ASIC2: variants seen among roughly 807,000 people sequenced by gnomAD.
ASIC2 encodes the protein acid sensing ion channel subunit 2.
A neutral mutation model predicts 57.3 loss-of-function variants in ASIC2; 25 were observed. That is an observed-to-expected ratio of 0.44 (90% confidence interval 0.32 to 0.61). The LOEUF is 0.61. ASIC2 is among the 20% of genes least tolerant of loss of function. The probability of loss-of-function intolerance (pLI) is 0.06; values close to 1 mark genes in which losing one functional copy is unlikely to be tolerated. For synonymous variants in ASIC2, 319 were observed against 307.5 expected (o/e 1.04, Z -0.39); for missense variants, 641 against 738.1 (o/e 0.87, Z 1.52).
In ASIC2 at chr17:34,095,841, G is replaced by C. The variant is rs544468051; in HGVS notation, c.555+60137C>G. 1.4e-4 allele frequency among the ~76,000 whole-genome samples: 21 copies of C among 150,810 alleles called. No homozygotes were observed. The East Asian group carries it at 4.1e-3, about 29-fold the overall frequency. On this transcript the variant is annotated intron_variant, in intron 1 of 9. Transcript: ENST00000359872. The stretch of plus-strand genomic sequence containing the variant: ...AGACAGAAAGTGAAGGGTTGGAGGA[G>C]AGAAAGGAAACTGATATTTTATAAA...
At chr17:34,027,839 C>G (rs1441749894) in intron 1 of ASIC2, among the ~76,000 whole-genome samples, 1 of 152,180 alleles carries the variant, frequency 6.6e-6, no homozygotes, top group Non-Finnish European at 1.5e-5. Context: ...GTGCTTTATT[C>G]CTAGCAGGCT....
Position 34,156,599 on chromosome 17 carries a change from T to G in ASIC2, c.-67A>C. On this transcript the variant is annotated 5_prime_UTR_variant, in exon 1 of 10. Coordinates refer to the ASIC2 transcript ENST00000359872. The surrounding 1 kb of genome is among the most constrained non-coding windows in gnomAD (Gnocchi z 4.4). ...AATTTCAGAGAAGAGCTCCCAGTCC[T>G]CGGGCTCTGCTTAAACCTTGACGTT... The G allele has an allele frequency of 6.7e-7, 1 of 1,481,518 alleles. No homozygotes were observed. Among genetic ancestry groups the G allele is most frequent in the Non-Finnish European group, 9.1e-7 (1 of 1,103,752 alleles). 91.8% of individuals were successfully genotyped at this position (1,481,518 alleles called of 1,614,324 possible).
At chr17:33,713,085 A>G (rs993038948) in intron 1 of ASIC2, among the ~76,000 whole-genome samples, 4 of 152,066 alleles carry the variant, frequency 2.6e-5, no homozygotes, top group Non-Finnish European at 5.9e-5. Context: ...GGTTTTTATG[A>G]CCTGATCTTG....
At chr17:33,439,870 C>G (rs1911764277) in intron 1 of ASIC2, among the ~76,000 whole-genome samples, 1 of 152,158 alleles carries the variant, frequency 6.6e-6, no homozygotes, top group African/African-American at 2.4e-5. Context: ...CAGGCAAGGA[C>G]AAGGCAGAGG....
chr17:34,090,554 G>C (rs1444393892), intron 1 of ASIC2, among the ~76,000 whole-genome samples: 1 of 152,172 alleles, frequency 6.6e-6, no homozygotes, highest in Admixed American at 6.5e-5. Flanking sequence ...CCTCCATCTG[G>C]AAAAGCTACC....
chr17:33,636,401 C>T (rs2142030655), intron 1 of ASIC2, among the ~76,000 whole-genome samples: 1 of 152,316 alleles, frequency 6.6e-6, no homozygotes, highest in African/African-American at 2.4e-5. Flanking sequence ...TTCAGTCCCT[C>T]TCATTATCCT....
chr17:33,641,675 A>C (rs555661244), intron 1 of ASIC2, among the ~76,000 whole-genome samples: 2 of 152,220 alleles, frequency 1.3e-5, no homozygotes, highest in Non-Finnish European at 2.9e-5. Context: ...ACTCCAAAAC[A>C]TAGGAAGACC....
chr17:33,602,339 A>G (rs1284276519), intron 1 of ASIC2, among the ~76,000 whole-genome samples: 2 of 152,214 alleles, frequency 1.3e-5, no homozygotes, highest in Admixed American at 6.5e-5. Context: ...TGCTTAGTTC[A>G]TGATGGCTCT....
In ASIC2 at chr17:33,235,848, T is replaced by A. The variant is rs539856413; in HGVS notation, c.708+55560A>T. ...ATGATATATCATTATTATTATTATT[T>A]TTTTTGAGACAGAGTTTCACTCTTG... On this transcript the variant is annotated intron_variant, in intron 1 of 9. Transcript: ENST00000225823. 1.8e-3 allele frequency among the ~76,000 whole-genome samples: 267 copies of A among 152,270 alleles called. 2 individuals are homozygous for A. Among genetic ancestry groups the A allele is most frequent in the Middle Eastern group, 6.8e-3 (2 of 294 alleles).
intron 1 of ASIC2, among the ~76,000 whole-genome samples, chr17:33,430,855 C>G (rs923567649): frequency 6.6e-6 from 1 of 152,034 alleles, no homozygotes; most frequent in East Asian, 1.9e-4. Flanking sequence ...AACTAGAGAC[C>G]AAAGCTCCTA....
intron 1 of ASIC2, among the ~76,000 whole-genome samples, chr17:33,887,380 C>T (rs1170313212): frequency 2.0e-5 from 3 of 152,114 alleles, no homozygotes; most frequent in Non-Finnish European, 4.4e-5. Flanking sequence ...CAACAATGCT[C>T]TTTGGGGTCC....
chr17:34,002,091 C>T (rs1050726632), intron 1 of ASIC2: 1 of 152,272 alleles, frequency 6.6e-6, no homozygotes, highest in African/African-American at 2.4e-5. Flanking sequence ...GCAGCCTTCT[C>T]TAACTCAATC....
At chr17:33,496,374 C>T (rs541219890) in intron 1 of ASIC2, among the ~76,000 whole-genome samples, 61 of 152,220 alleles carry the variant, frequency 4.0e-4, no homozygotes, top group Non-Finnish European at 5.1e-4. Context: ...TCTCCCACTG[C>T]GGTTGTCTTC....
intron 1 of ASIC2, among the ~76,000 whole-genome samples, chr17:34,049,649 C>G (rs945487501): frequency 2.6e-5 from 4 of 152,202 alleles, no homozygotes; most frequent in African/African-American, 9.6e-5. Context: ...CATCCTTTAT[C>G]AAAACCCACT....
intron 2 of ASIC2, among the ~76,000 whole-genome samples, chr17:33,091,432 T>C (rs1232744109): frequency 6.6e-6 from 1 of 152,152 alleles, no homozygotes; most frequent in Non-Finnish European, 1.5e-5. Flanking sequence ...GAACTTGTTT[T>C]CGAGAGCTAG....
chr17:34,116,315 C>T (rs1019683993), intron 1 of ASIC2, among the ~76,000 whole-genome samples: 2 of 152,128 alleles, frequency 1.3e-5, no homozygotes, highest in Non-Finnish European at 2.9e-5. Flanking sequence ...AATAATGTCT[C>T]CCTCCTCAGG....
chr17:33,781,849 A>G (rs761329062), intron 1 of ASIC2, among the ~76,000 whole-genome samples: 1 of 152,142 alleles, frequency 6.6e-6, no homozygotes, highest in African/African-American at 2.4e-5. Context: ...CCTTCCTATA[A>G]CACCCTGTTC....
intron 1 of ASIC2, among the ~76,000 whole-genome samples, chr17:33,498,618 A>C (rs1795279373): frequency 6.6e-6 from 1 of 151,982 alleles, no homozygotes; most frequent in South Asian, 2.1e-4. Context: ...TCGGGTGAAG[A>C]CTCAAGGAGC....
chr17:33,904,163 C>CAAA (rs769795292), intron 1 of ASIC2, among the ~76,000 whole-genome samples: 12,553 of 55,170 alleles, frequency 0.23, 2,253 homozygotes, highest in East Asian at 0.37. Flanking sequence ...AACTCCGTCT[C>CAAA]AAAAAAAAAA....
Sources: allele counts gnomAD v4.1 joint callset (sites outside exome capture counted in the v4.1 genomes callset), GRCh38; gene constraint gnomAD v4.1.1; non-coding constraint Gnocchi (gnomAD v3.1); transcripts MANE v1.5; gene names NCBI Gene and HGNC (gene_info 2026-07-23, HGNC 2026-07-21).